The following SOX6 variants were observed in gnomAD, a reference collection of about 807,000 sequenced individuals.
SOX6 encodes the protein SRY-box transcription factor 6, also known as transcription factor SOX-6.
In SOX6, 11 loss-of-function variants were observed where a neutral mutation model predicts 97.8. That is an observed-to-expected ratio of 0.11 (90% CI 0.07 to 0.19). SOX6 has a LOEUF of 0.19. Among genes scored for constraint, SOX6 ranks in the 10% least tolerant of loss-of-function variants. The probability of loss-of-function intolerance (pLI) is 1.00; values close to 1 mark genes in which losing one functional copy is unlikely to be tolerated. For missense variants in SOX6, 810 were observed against 1,039.5 expected (o/e 0.78, Z 3.04); for synonymous variants, 360 against 371.4 (o/e 0.97, Z 0.35).
chr11:16,711,526 A>T (rs1164719696), intron 3 of SOX6, among the ~76,000 whole-genome samples: 1 of 152,182 alleles, frequency 6.6e-6, no homozygotes, highest in African/African-American at 2.4e-5. Context: ...CTGTTTCAAA[A>T]AGAAAACCCT....
intron 1 of SOX6, among the ~76,000 whole-genome samples, chr11:16,466,637 AC>A (rs536330060): frequency 9.5e-4 from 144 of 151,590 alleles, no homozygotes; most frequent in African/African-American, 3.4e-3. Flanking sequence ...AAAAAAAAAA[AC>A]AAACAACTCC....
intron 4 of SOX6, among the ~76,000 whole-genome samples, chr11:16,533,270 T>C (rs905260770): frequency 6.6e-6 from 1 of 151,944 alleles, no homozygotes; most frequent in African/African-American, 2.4e-5. Flanking sequence ...GAATATATCT[T>C]TAATATTTTT....
At chr11:16,732,130 G>C (rs1408591201) in intron 2 of SOX6, among the ~76,000 whole-genome samples, 1 of 152,152 alleles carries the variant, frequency 6.6e-6, no homozygotes, top group African/African-American at 2.4e-5. Context: ...CTTATGAATA[G>C]GCAGAATCAA....
chr11:16,659,390 A>G (rs1590042331), intron 3 of SOX6, among the ~76,000 whole-genome samples: 1 of 152,122 alleles, frequency 6.6e-6, no homozygotes, highest in East Asian at 1.9e-4. Flanking sequence ...ATCCTGTTTC[A>G]TTGATTTATT....
In SOX6 at chr11:15,970,847, T is replaced by C. The variant is rs1470163518; in HGVS notation, c.*1962A>G. 1 of 152,690 alleles carries C rather than the reference T, an allele frequency of 6.5e-6. No homozygotes were observed. The highest frequency in any genetic ancestry group is 1.5e-5 in the Non-Finnish European group (1 of 68,050). 9.5% of individuals were successfully genotyped at this position (152,690 alleles called of 1,614,324 possible). ...TTCCTATGTCCTGGTGATCAGATTC[T>C]GGGTTGTCCCATGAGGTGAACTATC... is the stretch of plus-strand genomic sequence containing the variant. On this transcript the variant is annotated 3_prime_UTR_variant, in exon 16 of 16. Transcript: ENST00000683767.
At chr11:16,265,453 C>G (rs1484152766) in intron 3 of SOX6, among the ~76,000 whole-genome samples, 4 of 151,786 alleles carry the variant, frequency 2.6e-5, no homozygotes, top group African/African-American at 7.3e-5. Context: ...AAGGATCAAA[C>G]TGTTTCCAAG....
chr11:16,014,783 C>G (rs974401863), intron 13 of SOX6, among the ~76,000 whole-genome samples, 159 bp downstream of exon 13: 1 of 152,058 alleles, frequency 6.6e-6, no homozygotes, highest in Non-Finnish European at 1.5e-5. Flanking sequence ...CACAACATAA[C>G]TTACATACAT....
chr11:16,710,995 T>G (rs955565267), intron 3 of SOX6, among the ~76,000 whole-genome samples: 3 of 152,198 alleles, frequency 2.0e-5, no homozygotes, highest in African/African-American at 7.2e-5. Flanking sequence ...CTTTTTATTT[T>G]CCTTTTCATT....
intron 1 of SOX6, among the ~76,000 whole-genome samples, chr11:16,463,186 A>G (rs751241106): frequency 1.3e-5 from 2 of 152,188 alleles, no homozygotes; most frequent in Non-Finnish European, 2.9e-5. Flanking sequence ...ACTCAGATCA[A>G]CTGTTTAAAT....
intron 1 of SOX6, among the ~76,000 whole-genome samples, chr11:16,444,382 C>A (rs557259632): frequency 6.6e-6 from 1 of 152,114 alleles, no homozygotes; most frequent in African/African-American, 2.4e-5. Flanking sequence ...TCCCATAATT[C>A]GCTGTGGCAG....
At position 16,009,937 on chromosome 11, in the gene SOX6, G is replaced by T. The variant is rs542301999; in HGVS notation, c.1732+5005C>A. On this transcript the variant is annotated intron_variant, in intron 13 of 15. Coordinates refer to ENST00000683767, the MANE Select transcript of SOX6 (RefSeq NM_001367873.1). ...TAGGGAGGGTAGGGGAATGAGGAAA[G>T]CTTCAACAATTTCCAAGTATATGGA... is the stretch of plus-strand genomic sequence containing the variant. Among the ~76,000 whole-genome samples the T allele has an allele frequency of 1.6e-3, 242 of 152,062 alleles. 1 individual carries two copies. The highest frequency in any genetic ancestry group is 5.4e-3 in the African/African-American group (226 of 41,498).
rs1196906442 is a variant in SOX6 at position 16,003,840 on chromosome 11, AT to A, written c.1732+11101del. Reference sequence around the variant, plus strand: ...AGTTGCGGTGTGGGACTCAGAGATTATTGGTTCCAATCTTACTTCTTTGATT... The same window carrying A: ...AGTTGCGGTGTGGGACTCAGAGATTATGGTTCCAATCTTACTTCTTTGATT... On this transcript the variant is annotated intron_variant, in intron 13 of 15. Transcript: ENST00000683767. Among the ~76,000 whole-genome samples the A allele has an allele frequency of 5.9e-5, 9 of 152,096 alleles. No homozygotes were observed. In the East Asian group the frequency reaches 1.7e-3, roughly 30 times the overall value.
At chr11:16,189,042 G>T (rs1851560171) in intron 4 of SOX6, among the ~76,000 whole-genome samples, 1 of 152,106 alleles carries the variant, frequency 6.6e-6, no homozygotes, top group African/African-American at 2.4e-5. Flanking sequence ...CAGCCTGGGT[G>T]TAGGAGTGAG....
At chr11:16,294,220 T>C (rs1855000346) in intron 3 of SOX6, among the ~76,000 whole-genome samples, 1 of 152,018 alleles carries the variant, frequency 6.6e-6, no homozygotes, top group African/African-American at 2.4e-5. Flanking sequence ...TTTCAGATAA[T>C]TCATCAGGCT....
chr11:16,528,391 A>T (rs1366179782), intron 4 of SOX6, among the ~76,000 whole-genome samples: 1 of 152,056 alleles, frequency 6.6e-6, no homozygotes, highest in South Asian at 2.1e-4. Context: ...AGACTCAGAG[A>T]AGTAATCTAA....
intron 15 of SOX6, 123 bp from the exon 16 acceptor site, chr11:15,973,235 T>C: frequency 1.1e-6 from 1 of 945,254 alleles, no homozygotes; most frequent in African/African-American, 1.6e-5. Flanking sequence ...TAAATAACAT[T>C]CTAAGCAAAT....
upstream of SOX6, among the ~76,000 whole-genome samples, chr11:16,477,529 T>C (rs1445110226): frequency 2.0e-5 from 3 of 152,118 alleles, no homozygotes; most frequent in Non-Finnish European, 2.9e-5. Flanking sequence ...ATGATCCAGG[T>C]AATTTATTCT....
chr11:16,243,405 C>G (rs1340169832), intron 3 of SOX6, among the ~76,000 whole-genome samples: 1 of 151,770 alleles, frequency 6.6e-6, no homozygotes. Context: ...TTCCATAATG[C>G]TTAACCCAGA....
intron 4 of SOX6, among the ~76,000 whole-genome samples, chr11:16,481,914 ATAAAG>A (rs1590219136): frequency 6.6e-6 from 1 of 152,052 alleles, no homozygotes; most frequent in African/African-American, 2.4e-5. Flanking sequence ...ACATAGTATT[ATAAAG>A]TATTTTATGA....
Sources: gnomAD v4.1 joint callset for allele counts (sites outside exome capture counted in the v4.1 genomes callset) on GRCh38, gnomAD v4.1.1 for gene constraint, MANE v1.5 for transcripts, NCBI Gene and HGNC (gene_info 2026-07-23, HGNC 2026-07-21) for gene names.